Variants in TNFRSF19 observed in about 807,000 individuals in gnomAD.
The protein encoded by TNFRSF19 is TNF receptor superfamily member 19, also known as tumor necrosis factor receptor superfamily member 19.
A neutral mutation model predicts 46.4 loss-of-function variants in TNFRSF19; 27 were observed. That is an observed-to-expected ratio of 0.58 (90% CI 0.43 to 0.80). The LOEUF is 0.80. TNFRSF19 is among the 30% of genes least tolerant of loss of function. The pLI, the probability that TNFRSF19 is intolerant of heterozygous loss-of-function variation, is 0.00. For missense variants in TNFRSF19, 511 were observed against 530.8 expected, an observed-to-expected ratio of 0.96 and a Z score of 0.37; for synonymous variants, 204 against 205.0, an observed-to-expected ratio of 1.00 and a Z score of 0.04.
intron 1 of TNFRSF19, among the ~76,000 whole-genome samples, chr13:23,585,898 T>C (rs1242694118): frequency 6.6e-6 from 1 of 152,198 alleles, no homozygotes. Flanking sequence ...GGCCGTCAGA[T>C]TGTCTAATTT....
intron 5 of TNFRSF19, among the ~76,000 whole-genome samples, chr13:23,638,840 G>A (rs924137860): frequency 6.6e-6 from 1 of 152,052 alleles, no homozygotes; most frequent in African/African-American, 2.4e-5. Context: ...CTGGGCTGCC[G>A]GGTGCCCTTC....
At chr13:23,670,498 A>G (rs1359799065) in intron 9 of TNFRSF19, among the ~76,000 whole-genome samples, 1 of 152,232 alleles carries the variant, frequency 6.6e-6, no homozygotes, top group Non-Finnish European at 1.5e-5. Flanking sequence ...CATACAAAGT[A>G]TCTACCTCTG....
intron 5 of TNFRSF19, among the ~76,000 whole-genome samples, chr13:23,656,715 C>T (rs1884007726): frequency 2.6e-5 from 4 of 152,194 alleles, no homozygotes; most frequent in African/African-American, 2.4e-5. Flanking sequence ...CTGAAGTGAA[C>T]GCCTTCCTCA....
At chr13:23,644,085 A>G (rs949375677) in intron 5 of TNFRSF19, among the ~76,000 whole-genome samples, 1 of 152,226 alleles carries the variant, frequency 6.6e-6, no homozygotes, top group African/African-American at 2.4e-5. Context: ...TTTAAATCAC[A>G]AAAGGGCTGA....
At chr13:23,661,417 C>T (rs1193014683) in intron 7 of TNFRSF19, among the ~76,000 whole-genome samples, 1 of 152,130 alleles carries the variant, frequency 6.6e-6, no homozygotes, top group African/African-American at 2.4e-5. Context: ...GTATATATGC[C>T]ACATTTTCTT....
intron 7 of TNFRSF19, among the ~76,000 whole-genome samples, chr13:23,666,442 A>G (rs1951635099): frequency 6.6e-6 from 1 of 152,154 alleles, no homozygotes; most frequent in African/African-American, 2.4e-5. Flanking sequence ...TACCTTAGTT[A>G]GTTTAGACTC....
chr13:23,576,849 G>A (rs1877988803), intron 1 of TNFRSF19, among the ~76,000 whole-genome samples: 1 of 152,088 alleles, frequency 6.6e-6, no homozygotes. Flanking sequence ...TGGATGTGGA[G>A]GGCCAACTGT....
At chr13:23,604,264 C>CA (rs1880366903) in intron 3 of TNFRSF19, among the ~76,000 whole-genome samples, 3 of 151,188 alleles carry the variant, frequency 2.0e-5, no homozygotes, top group African/African-American at 4.9e-5. Flanking sequence ...TTAGCACCCC[C>CA]CCCAAAATAA....
At chr13:23,653,390 A>AT (rs1883770852) in intron 5 of TNFRSF19, among the ~76,000 whole-genome samples, 1 of 152,204 alleles carries the variant, frequency 6.6e-6, no homozygotes, top group South Asian at 2.1e-4. Flanking sequence ...TTGGGAGAGA[A>AT]TGACAGTGAA....
At chr13:23,668,567 C>T (rs912914729) in intron 8 of TNFRSF19, 125 bp from the exon 9 acceptor site, 3 of 1,131,290 alleles carry the variant, frequency 2.7e-6, no homozygotes, top group Non-Finnish European at 3.7e-6. Flanking sequence ...ATAGGAAACA[C>T]TAGAATTCTG....
chr13:23,648,530 C>G (rs1473518099), intron 5 of TNFRSF19, among the ~76,000 whole-genome samples: 1 of 152,144 alleles, frequency 6.6e-6, no homozygotes, highest in South Asian at 2.1e-4. Context: ...GTCATCTACA[C>G]ATAGAGGTAG....
chr13:23,599,559 C>T (rs901670510), intron 3 of TNFRSF19, among the ~76,000 whole-genome samples: 2 of 152,056 alleles, frequency 1.3e-5, no homozygotes, highest in African/African-American at 2.4e-5. Context: ...TTCCAGGTCA[C>T]AGGTGGATTG....
chr13:23,660,359 A>G lies in TNFRSF19; in HGVS notation c.611-6A>G, dbSNP rs1388868986. The G allele has an allele frequency of 1.2e-6, 2 of 1,612,968 alleles. No individual in the cohort carries two copies. The highest frequency in any genetic ancestry group is 1.7e-6 in the Non-Finnish European group (2 of 1,179,420). ...TTCCCTGACAGAGTTCTCACCCCTC[A>G]TTTAGGGTCTCTGCGGTCACAGGAC... is the stretch of plus-strand genomic sequence containing the variant. On this transcript the variant is annotated splice_region_variant and splice_polypyrimidine_tract_variant and intron_variant, in intron 6 of 9. Transcript: ENST00000248484.
At chr13:23,669,141 C>G (rs370032629) in intron 9 of TNFRSF19, 44 bp downstream of exon 9, 23 of 1,584,184 alleles carry the variant, frequency 1.5e-5, no homozygotes, top group Non-Finnish European at 1.7e-5. Context: ...CACTGACTTA[C>G]AGTAGATCAG....
intron 1 of TNFRSF19, among the ~76,000 whole-genome samples, 184 bp from the exon 2 acceptor site, chr13:23,589,966 A>G (rs1879139396): frequency 6.6e-6 from 1 of 152,162 alleles, no homozygotes; most frequent in African/African-American, 2.4e-5. Context: ...TTCAATTCTC[A>G]TAATATGAGT....
chr13:23,651,627 A>G (rs949312780), intron 5 of TNFRSF19, among the ~76,000 whole-genome samples: 1 of 152,170 alleles, frequency 6.6e-6, no homozygotes, highest in Non-Finnish European at 1.5e-5. Flanking sequence ...GCTTTAAAAT[A>G]ACACATAAAA....
intron 1 of TNFRSF19, among the ~76,000 whole-genome samples, chr13:23,581,632 A>G (rs1878441721): frequency 6.6e-6 from 1 of 152,172 alleles, no homozygotes; most frequent in African/African-American, 2.4e-5. Flanking sequence ...TGTCCTTAAT[A>G]TATTAATTTC....
intron 1 of TNFRSF19, among the ~76,000 whole-genome samples, chr13:23,572,173 GC>G (rs1877672997): frequency 6.6e-6 from 1 of 152,084 alleles, no homozygotes; most frequent in Non-Finnish European, 1.5e-5. Context: ...GTTATTTAAA[GC>G]CATGCTAAAC....
chr13:23,653,720 G>A (rs1883795551), intron 5 of TNFRSF19, among the ~76,000 whole-genome samples: 1 of 152,210 alleles, frequency 6.6e-6, no homozygotes, highest in African/African-American at 2.4e-5. Context: ...CTTTATCCAT[G>A]TGGAGGTGCC....
Sources: allele counts gnomAD v4.1 joint callset (sites outside exome capture counted in the v4.1 genomes callset), GRCh38; gene constraint gnomAD v4.1.1; transcripts MANE v1.5; gene names NCBI Gene and HGNC (gene_info 2026-07-23, HGNC 2026-07-21).